ZSWIM4: variants seen among roughly 807,000 people sequenced by gnomAD.
ZSWIM4 encodes the protein zinc finger SWIM domain-containing protein 4.
In ZSWIM4, 62 loss-of-function variants were observed where a neutral mutation model predicts 102.5. That is an observed-to-expected ratio of 0.60 (90% confidence interval 0.49 to 0.75). The LOEUF is 0.75. ZSWIM4 is among the 30% of genes least tolerant of loss of function. The pLI is 0.00. For synonymous variants in ZSWIM4, 652 were observed against 674.5 expected (o/e 0.97, Z 0.52); for missense variants, 1,280 against 1,529.6 (o/e 0.84, Z 2.72).
rs140122978 is a variant in ZSWIM4, at chr19:13,810,646, G to C, written c.1012+1426G>C. The stretch of plus-strand genomic sequence containing the variant: ...TTTTTTTGAGACGGAGTCTTGCTCT[G>C]TCACCCAAGCTGGAGTGCAGTGGCA... On this transcript the variant is annotated intron_variant, in intron 5 of 13. Coordinates refer to ENST00000590508, the MANE Select transcript of ZSWIM4 (RefSeq NM_001367834.3). 1.0e-2 allele frequency among the ~76,000 whole-genome samples: 1,490 copies of C among 149,726 alleles called. 21 individuals carry two copies. The highest frequency in any genetic ancestry group is 0.035 in the African/African-American group (1,435 of 40,556).
rs1456659125 is a variant in ZSWIM4, at chr19:13,827,604, AAAAG to A, written c.2380-1037_2380-1034del. Among the ~76,000 whole-genome samples the A allele has an allele frequency of 9.2e-3, 1,317 of 142,486 alleles. 16 individuals are homozygous for A. The highest frequency in any genetic ancestry group is 0.036 in the African/African-American group (1,225 of 33,700). The allele number at this position is 142,486 out of a possible 152,430, so 93.5% of individuals were successfully genotyped here. On this transcript the variant is annotated intron_variant, in intron 12 of 13. Transcript: ENST00000590508. ...TGAGACCCTCAAAAAAAAAAAAAAAAAAAGAAAAGAAAAAAAAAGAAACTGGGGA... is the reference window on the plus strand; with the variant it reads ...TGAGACCCTCAAAAAAAAAAAAAAAAAAAAGAAAAAAAAAGAAACTGGGGA...
chr19:13,795,645 C>T lies in ZSWIM4; in HGVS notation c.-4C>T. 1.6e-6 allele frequency: 1 copy of T among 628,654 alleles called. No homozygotes were observed. The highest frequency in any genetic ancestry group is 2.2e-6 in the Non-Finnish European group (1 of 460,710). The allele number at this position is 628,654 out of a possible 1,614,324, so 38.9% of individuals were successfully genotyped here. ...CGCCCCGGCCCTGGCCCCGGCCGGG[C>T]CGGATGGAACCCCCCGCGGCCAAGC... On this transcript the variant is annotated 5_prime_UTR_variant, in exon 1 of 14. Transcript: ENST00000590508.
rs71170569 is a variant in ZSWIM4 at position 13,800,065 on chromosome 19, A to ATTTTTTTTTTTTTTTTTTTT, written c.355+145_355+164dup. The ATTTTTTTTTTTTTTTTTTTT allele has an allele frequency of 1.5e-5, 5 of 334,356 alleles. 1 individual carries two copies. In the African/African-American group the frequency reaches 2.4e-4, roughly 16 times the overall value. 20.7% of individuals were successfully genotyped at this position (334,356 alleles called of 1,614,324 possible). On this transcript the variant is annotated intron_variant, in intron 2 of 13. Coordinates refer to ENST00000590508, the MANE Select transcript of ZSWIM4 (RefSeq NM_001367834.3). The stretch of plus-strand genomic sequence containing the variant: ...CGAGGCCCAGATAGGATTGTACAAG[A>ATTTTTTTTTTTTTTTTTTTT]TTTTTTTTTTTTTTTTTTTTGAGAC...
chr19:13,817,143 G>C, intron 7 of ZSWIM4, 73 bp from the exon 8 acceptor site: 1 of 1,523,786 alleles, frequency 6.6e-7, no homozygotes, highest in Admixed American at 2.0e-5. Flanking sequence ...GGCAGGTCAA[G>C]AAGAGGAATA....
Position 13,808,996 on chromosome 19 carries a change from G to A in ZSWIM4, c.861+12G>A. On this transcript the variant is annotated intron_variant, in intron 4 of 13. Coordinates refer to ENST00000590508, the MANE Select transcript of ZSWIM4 (RefSeq NM_001367834.3). Reference sequence around the variant, plus strand: ...CCATGTTCAGCAAGGTGCCGTGCGGGCCGGCGGGGCGCGGGGTGCAGAAGG... The same window carrying A: ...CCATGTTCAGCAAGGTGCCGTGCGGACCGGCGGGGCGCGGGGTGCAGAAGG... 1 of 1,610,074 alleles carries A rather than the reference G, an allele frequency of 6.2e-7. No homozygotes were observed. The highest frequency in any genetic ancestry group is 8.5e-7 in the Non-Finnish European group (1 of 1,177,548).
rs769981250 is a variant in ZSWIM4, at chr19:13,805,004, G to C, written c.568G>C (p.Glu190Gln). The C allele has an allele frequency of 1.9e-6, 3 of 1,612,404 alleles. No individual in the cohort carries two copies. Among genetic ancestry groups the C allele is most frequent in the South Asian group, 1.1e-5 (1 of 91,066 alleles). Residue 190 changes from glutamate (E) to glutamine (Q), a missense_variant, in exon 3 of 14, where the codon GAG becomes CAG. By Grantham distance (29) the Glu-to-Gln change is conservative (BLOSUM62 2). Transcript: ENST00000590508. ...GGTGGAGCTGCGGCTGCCCATCTCC[G>C]AGACGCTCTCCCAGATGAACCGGGA... is the stretch of plus-strand genomic sequence containing the variant. ...HQVELRLPIS[E>Q]TLSQMNRDQL...
At position 13,830,314 on chromosome 19, in the gene ZSWIM4, C is replaced by T; in HGVS notation, c.2585C>T (p.Thr862Ile). The change falls in exon 14 of 14, where the codon ACA becomes ATA. Residue 862 changes from threonine (T) to isoleucine (I), a missense_variant. Thr to Ile is a moderately conservative substitution (Grantham distance 89, BLOSUM62 -1). Transcript: ENST00000590508. ...HATLLRLQLDTSRREELWACA... is the reference protein window; with the variant it reads ...HATLLRLQLDISRREELWACA... ...ACTCTGCTGCGACTGCAGCTGGACA[C>T]ATCGCGGAGGGAGGAGCTCTGGGCC... is the stretch of plus-strand genomic sequence containing the variant. 6.2e-7 allele frequency: 1 copy of T among 1,613,712 alleles called. No individual in the cohort carries two copies. The highest frequency in any genetic ancestry group is 2.2e-5 in the East Asian group (1 of 44,884).
Position 13,804,841 on chromosome 19 carries a change from C to T in ZSWIM4, c.405C>T (p.Pro135=), listed in dbSNP as rs753221615. ...GCGAGCCAGGGAGTCCTGGAGAGCC[C>T]GAGCGCCTCTACCATGTCTCCATCA... is the stretch of plus-strand genomic sequence containing the variant. ...NIREPGSPGE[P]ERLYHVSISF... is the part of the protein sequence containing the mutation. The change falls in exon 3 of 14, where the codon CCC becomes CCT. Residue 135 remains proline (P), a synonymous_variant. Coordinates refer to ENST00000590508, the MANE Select transcript of ZSWIM4 (RefSeq NM_001367834.3). 20 of 1,609,160 alleles carry T rather than the reference C, an allele frequency of 1.2e-5. No homozygotes were observed. Among genetic ancestry groups the T allele is most frequent in the Non-Finnish European group, 1.6e-5 (19 of 1,176,794 alleles).
chr19:13,815,703 C>G (rs1328855763), intron 7 of ZSWIM4, among the ~76,000 whole-genome samples: 6 of 151,252 alleles, frequency 4.0e-5, no homozygotes, highest in African/African-American at 1.5e-4. Context: ...AACTCCTGAC[C>G]TTTTGATCCA....
rs765615457 is a variant in ZSWIM4 at position 13,804,914 on chromosome 19, C to T, written c.478C>T (p.Arg160Cys). The T allele has an allele frequency of 5.6e-6, 9 of 1,613,568 alleles. No individual in the cohort carries two copies. The highest frequency in any genetic ancestry group is 4.5e-5 in the East Asian group (2 of 44,878). ...GTCCGTGAGCTGCGGCTGTGACAAC[C>T]GCGACCTCTTCTACTGTGCCCACGT... Reference protein sequence around the residue: ...ITSVSCGCDNRDLFYCAHVVA... With the variant: ...ITSVSCGCDNCDLFYCAHVVA... Residue 160 changes from arginine (R) to cysteine (C), a missense_variant, in exon 3 of 14, where the codon CGC becomes TGC. By Grantham distance (180) the Arg-to-Cys change is radical. Transcript: ENST00000590508.
intron 6 of ZSWIM4, among the ~76,000 whole-genome samples, chr19:13,813,591 CAGAG>C (rs1287424837): frequency 6.6e-6 from 1 of 151,356 alleles, no homozygotes; most frequent in Non-Finnish European, 1.5e-5. Context: ...GGAAGGAAGA[CAGAG>C]AGAGATTGAG....
intron 9 of ZSWIM4, among the ~76,000 whole-genome samples, chr19:13,818,258 A>C (rs1315225958): frequency 1.3e-5 from 2 of 152,142 alleles, no homozygotes; most frequent in Non-Finnish European, 2.9e-5. Flanking sequence ...TTGATGTTAA[A>C]GCGAGGGCGT....
intron 2 of ZSWIM4, among the ~76,000 whole-genome samples, chr19:13,800,189 C>G (rs905860809): frequency 7.1e-6 from 1 of 140,708 alleles, no homozygotes; most frequent in Non-Finnish European, 1.5e-5. Flanking sequence ...CTCAGCCTCC[C>G]GAGTAGCTGG....
intron 1 of ZSWIM4, 21 bp downstream of exon 1, chr19:13,795,822 C>T: frequency 8.1e-7 from 1 of 1,229,042 alleles, no homozygotes. Flanking sequence ...GGGAAGGGGG[C>T]GGGGGCAGGG....
At chr19:13,821,856 C>A (rs1975472336) in intron 10 of ZSWIM4, among the ~76,000 whole-genome samples, 1 of 152,100 alleles carries the variant, frequency 6.6e-6, no homozygotes, top group Admixed American at 6.6e-5. Context: ...CCTGCCTCAG[C>A]CTCCCAAGTA....
intron 3 of ZSWIM4, 38 bp from the exon 4 acceptor site, chr19:13,808,798 A>C: frequency 6.5e-7 from 1 of 1,532,402 alleles, no homozygotes; most frequent in Admixed American, 2.0e-5. Flanking sequence ...CCCCAACTCC[A>C]GCCCCAGCCT....
At chr19:13,797,393 G>A (rs533664785) in intron 1 of ZSWIM4, among the ~76,000 whole-genome samples, 57 of 152,272 alleles carry the variant, frequency 3.7e-4, no homozygotes, top group African/African-American at 1.2e-3. Context: ...ACTGAGGAAC[G>A]ACAGAGTCTG....
At chr19:13,801,704 C>T (rs1599580647) in intron 2 of ZSWIM4, among the ~76,000 whole-genome samples, 1 of 146,432 alleles carries the variant, frequency 6.8e-6, no homozygotes, top group African/African-American at 2.6e-5. Flanking sequence ...TGGAGTCTTG[C>T]TCTGTTGCCC....
intron 12 of ZSWIM4, among the ~76,000 whole-genome samples, chr19:13,826,967 A>G (rs574502524): frequency 2.6e-5 from 4 of 152,186 alleles, no homozygotes; most frequent in Admixed American, 6.5e-5. Context: ...GGGGCCTCAA[A>G]GGGTGGCAGA....
Sources: gnomAD v4.1 joint callset for allele counts (sites outside exome capture counted in the v4.1 genomes callset) on GRCh38, gnomAD v4.1.1 for gene constraint, MANE v1.5 for transcripts, NCBI Gene and HGNC (gene_info 2026-07-23, HGNC 2026-07-21) for gene names.